Variants in PARG observed in about 807,000 individuals in gnomAD.
The protein encoded by PARG is poly(ADP-ribose) glycohydrolase, also known as mitochondrial poly(ADP-ribose) glycohydrolase.
A neutral mutation model predicts 113.0 loss-of-function variants in PARG; 35 were observed. The ratio of observed to expected loss-of-function variants is 0.31; its 90% CI spans 0.24 to 0.41. The LOEUF (loss-of-function observed/expected upper bound fraction) is 0.41, where lower values mean the gene tolerates loss of function less well. PARG is among the 10% of genes least tolerant of loss of function. The pLI is 1.00. For missense variants in PARG, 797 were observed against 1,169.4 expected (o/e 0.68, Z 4.64); for synonymous variants, 330 against 409.9 (o/e 0.81, Z 2.36).
chr10:49,860,122 C>A (rs574207398), intron 12 of PARG, among the ~76,000 whole-genome samples: 2,596 of 152,266 alleles, frequency 0.017, 49 homozygotes, highest in African/African-American at 0.059. Context: ...CGATCTCCTG[C>A]GGAGACATGG....
chr10:49,893,757 G>A (rs1374081704), intron 7 of PARG, among the ~76,000 whole-genome samples: 13 of 151,378 alleles, frequency 8.6e-5, no homozygotes, highest in African/African-American at 2.7e-4. Context: ...GCAGTGGCGC[G>A]ATCTTGGCTC....
chr10:49,927,961 C>CT (rs1440150829), intron 4 of PARG, among the ~76,000 whole-genome samples: 32 of 146,288 alleles, frequency 2.2e-4, no homozygotes, highest in African/African-American at 7.3e-4. Flanking sequence ...GAGATCCTGT[C>CT]TCTTTAAAAA....
At chr10:49,886,173 G>T (rs1246985905) in intron 7 of PARG, among the ~76,000 whole-genome samples, 21 of 152,290 alleles carry the variant, frequency 1.4e-4, no homozygotes, top group African/African-American at 4.8e-4. Context: ...ATCCTACATT[G>T]AGGTCAATTA....
At chr10:49,912,573 A>G (rs373269441) in intron 7 of PARG, among the ~76,000 whole-genome samples, 647 of 151,918 alleles carry the variant, frequency 4.3e-3, no homozygotes, top group East Asian at 0.017. Flanking sequence ...TGAGGCAGGC[A>G]AATGGCTTGA....
intron 10 of PARG, 130 bp downstream of exon 10, chr10:49,869,346 T>A: frequency 1.5e-6 from 1 of 672,184 alleles, no homozygotes; most frequent in Non-Finnish European, 2.7e-6. Context: ...TATTGTCGCA[T>A]CATTACTAGT....
At chr10:49,910,983 T>A (rs540131301) in intron 7 of PARG, among the ~76,000 whole-genome samples, 1 of 152,102 alleles carries the variant, frequency 6.6e-6, no homozygotes, top group East Asian at 1.9e-4. Context: ...CCACAGGTGT[T>A]GTAAAAGAGG....
Position 49,933,214 on chromosome 10 carries a change from C to G in PARG, c.1234G>C (p.Asp412His). The G allele has an allele frequency of 1.3e-6, 2 of 1,587,726 alleles. No individual in the cohort carries two copies. Among genetic ancestry groups the G allele is most frequent in the South Asian group, 1.1e-5 (1 of 87,446 alleles). ...QHGKKDSKIT[D>H]HFMRLPKAED... ...GCTTTGGGCAGTCTCATGAAATGAT[C>G]TGTGATTTTAGAATCCTTTTTTCCA... The change falls in exon 3 of 18, where the codon GAT becomes CAT. Residue 412 changes from aspartate to histidine, a missense_variant. Coordinates refer to ENST00000616448, the MANE Select transcript of PARG (RefSeq NM_003631.5).
rs782706584 is a variant in PARG at position 49,841,982 on chromosome 10, C to A, written c.2509G>T (p.Val837Leu). 23 of 1,549,588 alleles carry A rather than the reference C, an allele frequency of 1.5e-5. No homozygotes were observed. The highest frequency in any genetic ancestry group is 1.9e-5 in the Non-Finnish European group (22 of 1,146,826). ...LHFRRYLDQFVPEKMRRELNK... is the reference protein window; with the variant it reads ...LHFRRYLDQFLPEKMRRELNK... ...AGCTCGCGTCTCATTTTCTCAGGCACAAACTGATCGAGGTAGCGTCTGAAG... is the reference window on the plus strand; with the variant it reads ...AGCTCGCGTCTCATTTTCTCAGGCAAAAACTGATCGAGGTAGCGTCTGAAG... Residue 837 changes from valine (V) to leucine (L), a missense_variant, in exon 15 of 18, where the codon GTG (valine) becomes TTG (leucine). Val to Leu is a conservative substitution (Grantham distance 32). Coordinates refer to ENST00000616448, the MANE Select transcript of PARG (RefSeq NM_003631.5).
At chr10:49,890,475 G>T (rs1420435955) in intron 7 of PARG, among the ~76,000 whole-genome samples, 2 of 152,088 alleles carry the variant, frequency 1.3e-5, no homozygotes, top group Non-Finnish European at 2.9e-5. Context: ...TATGTGTCAG[G>T]AATTGTGCCA....
chr10:49,933,582 C>T lies in PARG; in HGVS notation c.866G>A (p.Gly289Glu). ...TTCCTTCTCAAATGGAGGAGAATTT[C>T]CTAGGCAACTTTCTTGTCTAGTCAA... is the stretch of plus-strand genomic sequence containing the variant. ...NKLTRQESCL[G>E]NSPPFEKESE... Residue 289 changes from glycine to glutamate, a missense_variant, in exon 3 of 18, where the codon GGA becomes GAA. This residue lies in a region of PARG where 284 missense variants were observed against 306.1 expected (regional missense o/e 0.93). Coordinates refer to ENST00000616448, the MANE Select transcript of PARG (RefSeq NM_003631.5). 3 of 1,611,188 alleles carry T rather than the reference C, an allele frequency of 1.9e-6. No individual in the cohort carries two copies. The South Asian group carries it at 3.3e-5, about 18-fold the overall frequency.
chr10:49,931,910 T>C (rs1317379767), intron 4 of PARG, among the ~76,000 whole-genome samples, 190 bp downstream of exon 4: 5 of 152,258 alleles, frequency 3.3e-5, no homozygotes, highest in East Asian at 1.9e-4. Context: ...TTGCTAATGA[T>C]TGCTAATTTG....
Position 49,921,074 on chromosome 10 carries a change from T to G in PARG, c.1662+1262A>C, listed in dbSNP as rs1211182145. ...GGGTGGAGAAAGAAGGACGGAAATGTTGTCACCCAGGTGGTTTTAGGGTCT... is the reference window on the plus strand; with the variant it reads ...GGGTGGAGAAAGAAGGACGGAAATGGTGTCACCCAGGTGGTTTTAGGGTCT... On this transcript the variant is annotated intron_variant, in intron 6 of 17. Transcript: ENST00000616448. 1.0e-3 allele frequency among the ~76,000 whole-genome samples: 151 copies of G among 149,868 alleles called. 1 individual carries two copies. Among genetic ancestry groups the G allele is most frequent in the East Asian group, 7.7e-4 (4 of 5,180 alleles).
chr10:49,835,149 G>T (rs922728432), intron 15 of PARG, among the ~76,000 whole-genome samples: 2 of 152,116 alleles, frequency 1.3e-5, no homozygotes, highest in South Asian at 4.1e-4. Context: ...ACAAAGATGA[G>T]ATAAGGATAG....
intron 15 of PARG, among the ~76,000 whole-genome samples, chr10:49,834,695 C>G (rs1171569000): frequency 3.3e-5 from 5 of 151,906 alleles, no homozygotes; most frequent in African/African-American, 1.2e-4. Flanking sequence ...TTGAGACCAG[C>G]CTGGGCAATA....
chr10:49,837,294 A>T (rs1554831287), intron 15 of PARG, among the ~76,000 whole-genome samples: 1 of 152,014 alleles, frequency 6.6e-6, no homozygotes, highest in East Asian at 1.9e-4. Context: ...GAGGTCAGAG[A>T]TCCATACTGA....
At chr10:49,851,796 A>G (rs1242290809) in intron 13 of PARG, among the ~76,000 whole-genome samples, 18 of 151,574 alleles carry the variant, frequency 1.2e-4, no homozygotes, top group African/African-American at 3.1e-4. Flanking sequence ...AAAAAAAAAA[A>G]AAGAAGAAAT....
chr10:49,895,821 G>A (rs1474166662), intron 7 of PARG, among the ~76,000 whole-genome samples: 1 of 151,982 alleles, frequency 6.6e-6, no homozygotes, highest in Non-Finnish European at 1.5e-5. Flanking sequence ...CAAGATACTG[G>A]TCTTACACAT....
intron 17 of PARG, among the ~76,000 whole-genome samples, chr10:49,819,704 C>G (rs1843972966): frequency 6.6e-6 from 1 of 152,156 alleles, no homozygotes; most frequent in Admixed American, 6.5e-5. Flanking sequence ...CTTCTTTGCT[C>G]ATGATAACAA....
rs1554910469 is a variant in PARG, at chr10:49,933,539, C to T, written c.909G>A (p.Pro303=). ...PFEKESEPES[P]MDVDNSKNSC... ...TATTTTTAGAATTATCCACATCCAT[C>T]GGTGACTCGGGTTCACTTTCCTTCT... Residue 303 remains proline (P), a synonymous_variant, in exon 3 of 18, where the codon CCG becomes CCA. Transcript: ENST00000616448. 20 of 1,611,280 alleles carry T rather than the reference C, an allele frequency of 1.2e-5. No individual in the cohort carries two copies. The Middle Eastern group carries it at 5.0e-4, about 40-fold the overall frequency.
Sources: gnomAD v4.1 joint callset for allele counts (sites outside exome capture counted in the v4.1 genomes callset) on GRCh38, gnomAD v4.1.1 for gene constraint, gnomAD v4.1.1 regional missense constraint, MANE v1.5 for transcripts, NCBI Gene and HGNC (gene_info 2026-07-23, HGNC 2026-07-21) for gene names.